Variants in KANSL1 observed in about 807,000 individuals in gnomAD.
The protein encoded by KANSL1 is MLL1/MLL complex subunit KANSL1.
KANSL1 carries 22 observed loss-of-function variants against 103.6 expected under a neutral mutation model. The ratio of observed to expected loss-of-function variants is 0.21; its 90% confidence interval spans 0.15 to 0.30. KANSL1 has a LOEUF of 0.30. Ranked by LOEUF, KANSL1 falls within the 10% of genes least tolerant of loss-of-function variation. The probability of loss-of-function intolerance (pLI) is 1.00; values close to 1 mark genes in which losing one functional copy is unlikely to be tolerated. For missense variants in KANSL1, 1,337 were observed against 1,399.8 expected, an observed-to-expected ratio of 0.96 and a Z score of 0.72; for synonymous variants, 600 against 527.6, an observed-to-expected ratio of 1.14 and a Z score of -1.88.
chr17:46,100,185 G>A (rs1034160573), intron 2 of KANSL1, among the ~76,000 whole-genome samples: 1 of 152,178 alleles, frequency 6.6e-6, no homozygotes, highest in African/African-American at 2.4e-5. Context: ...GTGAGTACCT[G>A]TGAATGGTTT....
chr17:46,194,731 C>T (rs1286526179), upstream of KANSL1, among the ~76,000 whole-genome samples: 2 of 152,202 alleles, frequency 1.3e-5, no homozygotes, highest in African/African-American at 4.8e-5. Flanking sequence ...AAGGAAGACG[C>T]AAAATGCTTC....
chr17:46,194,534 AAGTGTCACACAAAGTGT>A (rs2047539349), upstream of KANSL1, among the ~76,000 whole-genome samples: 1 of 152,230 alleles, frequency 6.6e-6, no homozygotes, highest in East Asian at 1.9e-4. Context: ...ATGTAATACA[AAGTGTCACACAAAGTGT>A]AATTCTACCA....
intron 1 of KANSL1, among the ~76,000 whole-genome samples, chr17:46,182,765 T>C (rs2046849990): frequency 1.3e-5 from 2 of 152,250 alleles, no homozygotes; most frequent in Admixed American, 6.5e-5. Context: ...AATTTGCCCA[T>C]GATCACACAA....
Position 46,171,605 on chromosome 17 carries a change from T to C in KANSL1, c.539A>G (p.Lys180Arg). 8 of 1,582,692 alleles carry C rather than the reference T, an allele frequency of 5.1e-6. No individual in the cohort carries two copies. Among genetic ancestry groups the C allele is most frequent in the Non-Finnish European group, 6.0e-6 (7 of 1,167,534 alleles). ...HDNSTSLNGG[K>R]RALTSSALHG... ...AAGAGCAGATGAAGTGAGAGCCCGT[T>C]TTCCCCCATTGAGGGAAGTGGAATT... The change falls in exon 2 of 15, where the codon AAA (lysine) becomes AGA (arginine). Residue 180 changes from lysine to arginine, a missense_variant. By Grantham distance (26) the Lys-to-Arg change is conservative. Coordinates refer to ENST00000432791, the MANE Select transcript of KANSL1 (RefSeq NM_015443.4).
chr17:46,213,999 C>T (rs2732606), intron 1 of KANSL1, among the ~76,000 whole-genome samples: 22,149 of 152,022 alleles, frequency 0.15, 2,150 homozygotes, highest in Middle Eastern at 0.22. Context: ...CTACCTGGCA[C>T]ATATAAACAT....
chr17:46,160,738 G>A (rs2045691093), intron 2 of KANSL1, among the ~76,000 whole-genome samples: 2 of 152,280 alleles, frequency 1.3e-5, no homozygotes, highest in South Asian at 4.1e-4. Context: ...ATGTATAATA[G>A]TCTTCTGAAT....
At chr17:46,173,738 T>C (rs2046392684) in intron 1 of KANSL1, among the ~76,000 whole-genome samples, 1 of 152,256 alleles carries the variant, frequency 6.6e-6, no homozygotes, top group African/African-American at 2.4e-5. Flanking sequence ...CATTATACTC[T>C]CCACTCAGTT....
chr17:46,191,525 T>C (rs952423197), intron 1 of KANSL1, among the ~76,000 whole-genome samples: 3 of 152,228 alleles, frequency 2.0e-5, no homozygotes, highest in African/African-American at 7.2e-5. Context: ...ATGGAAAACA[T>C]ATTCTAACGT....
At chr17:46,168,901 G>A (rs1369767500) in intron 2 of KANSL1, among the ~76,000 whole-genome samples, 1 of 152,166 alleles carries the variant, frequency 6.6e-6, no homozygotes, top group Non-Finnish European at 1.5e-5. Flanking sequence ...ATGGCCTTAA[G>A]GTTTTTCCAA....
intron 10 of KANSL1, chr17:46,038,174 G>T: frequency 9.8e-6 from 2 of 203,222 alleles, no homozygotes; most frequent in East Asian, 1.2e-4. Flanking sequence ...CTCCTCTCTT[G>T]TTCACTTCTT....
chr17:46,114,998 A>G (rs1174526453), intron 2 of KANSL1, among the ~76,000 whole-genome samples: 1 of 152,212 alleles, frequency 6.6e-6, no homozygotes, highest in Non-Finnish European at 1.5e-5. Flanking sequence ...ATTTTGTACT[A>G]AAGTCCACGA....
chr17:46,135,695 C>CTTTTTTT (rs35094789), intron 2 of KANSL1, among the ~76,000 whole-genome samples: 1 of 84,430 alleles, frequency 1.2e-5, no homozygotes, highest in Non-Finnish European at 2.1e-5. Flanking sequence ...CCATGCCTGG[C>CTTTTTTT]TTTTTTTTTT....
chr17:46,215,974 A>C (rs2048327155), intron 1 of KANSL1, among the ~76,000 whole-genome samples: 1 of 152,204 alleles, frequency 6.6e-6, no homozygotes, highest in Non-Finnish European at 1.5e-5. Context: ...TGGGAGGCAG[A>C]GGCTGCCGTG....
intron 2 of KANSL1, among the ~76,000 whole-genome samples, chr17:46,103,628 A>C (rs1205082307): frequency 1.3e-5 from 2 of 152,146 alleles, no homozygotes; most frequent in East Asian, 3.8e-4. Flanking sequence ...CTTTCCTCAC[A>C]ATCTGTGGAA....
chr17:46,177,660 ATGTAAAG>A (rs2046587656), intron 1 of KANSL1, among the ~76,000 whole-genome samples: 1 of 152,256 alleles, frequency 6.6e-6, no homozygotes, highest in Non-Finnish European at 1.5e-5. Flanking sequence ...TTCTTGGCTT[ATGTAAAG>A]TCTCCACCAT....
chr17:46,187,351 A>C (rs2696707), intron 1 of KANSL1, among the ~76,000 whole-genome samples: 21,792 of 152,260 alleles, frequency 0.14, 2,128 homozygotes, highest in Non-Finnish European at 0.22. Context: ...ATTAAGTTTG[A>C]TGTCACTCAA....
At chr17:46,207,462 T>C (rs888065126) in intron 1 of KANSL1, among the ~76,000 whole-genome samples, 4 of 147,490 alleles carry the variant, frequency 2.7e-5, no homozygotes, top group Non-Finnish European at 4.4e-5. Context: ...TGAGCCAAGA[T>C]AGTGCCACTG....
intron 4 of KANSL1, among the ~76,000 whole-genome samples, chr17:46,074,874 T>C (rs975190931): frequency 6.6e-6 from 1 of 152,144 alleles, no homozygotes; most frequent in Non-Finnish European, 1.5e-5. Context: ...GGCACCACCT[T>C]AACCAAGGGA....
At chr17:46,214,223 C>A (rs948116284) in intron 1 of KANSL1, among the ~76,000 whole-genome samples, 1 of 152,196 alleles carries the variant, frequency 6.6e-6, no homozygotes, top group Non-Finnish European at 1.5e-5. Flanking sequence ...CAGACTGGGA[C>A]CAATAGATCC....
Sources: allele counts gnomAD v4.1 joint callset (sites outside exome capture counted in the v4.1 genomes callset), GRCh38; gene constraint gnomAD v4.1.1; transcripts MANE v1.5; gene names NCBI Gene and HGNC (gene_info 2026-07-23, HGNC 2026-07-21).